The following SKA2 variants were observed in gnomAD, a reference collection of about 807,000 sequenced individuals.
SKA2 encodes the protein spindle and kinetochore associated complex subunit 2, also known as spindle and kinetochore-associated protein 2.
In SKA2, 13 loss-of-function variants were observed where a neutral mutation model predicts 16.9. The observed-to-expected ratio is 0.77, with a 90% CI of 0.50 to 1.22. SKA2 has a LOEUF of 1.22. Ranked by LOEUF, SKA2 falls within the 50% of genes most tolerant of loss-of-function variation. The pLI is 0.00. For missense variants in SKA2, 107 were observed against 139.7 expected (o/e 0.77, Z 1.18); for synonymous variants, 47 against 48.5 (o/e 0.97, Z 0.13).
intron 1 of SKA2, among the ~76,000 whole-genome samples, chr17:59,136,789 C>T (rs976201664): frequency 5.3e-5 from 8 of 152,050 alleles, no homozygotes; most frequent in African/African-American, 1.4e-4. Context: ...CCTTGTGATC[C>T]GCCCTCCTCG....
chr17:59,143,714 C>T (rs2046510019), intron 1 of SKA2, among the ~76,000 whole-genome samples: 1 of 152,006 alleles, frequency 6.6e-6, no homozygotes, highest in African/African-American at 2.4e-5. Flanking sequence ...CTCAGGTGAT[C>T]CTCTCGCCAC....
At chr17:59,141,443 C>T (rs1423933429) in intron 1 of SKA2, among the ~76,000 whole-genome samples, 1 of 151,444 alleles carries the variant, frequency 6.6e-6, no homozygotes, top group Admixed American at 6.6e-5. Context: ...ATGACAGCCG[C>T]GGCTGTGCAC....
At chr17:59,152,711 A>G (rs1290517033) in intron 1 of SKA2, among the ~76,000 whole-genome samples, 1 of 152,096 alleles carries the variant, frequency 6.6e-6, no homozygotes, top group African/African-American at 2.4e-5. Flanking sequence ...CAAGTATAAC[A>G]TTTTTTTCTA....
intron 1 of SKA2, among the ~76,000 whole-genome samples, chr17:59,140,260 G>A (rs548163573): frequency 6.7e-6 from 1 of 149,306 alleles, no homozygotes; most frequent in Non-Finnish European, 1.5e-5. Context: ...ATGAAGTCTC[G>A]CTCTTGTCCC....
At position 59,111,129 on chromosome 17, in the gene SKA2, T is replaced by C. The variant is rs771553238; in HGVS notation, c.*1148A>G. ...ATCCTGACACTCAAAAGTTAAGTGA[T>C]CTGCACAGGGTCATAGCTAGAATTT... On this transcript the variant is annotated 3_prime_UTR_variant, in exon 4 of 4. Coordinates refer to ENST00000330137, the MANE Select transcript of SKA2 (RefSeq NM_182620.4). 3.3e-5 allele frequency: 5 copies of C among 152,208 alleles called. No homozygotes were observed. The highest frequency in any genetic ancestry group is 6.6e-5 in the Admixed American group (1 of 15,266). The allele number at this position is 152,208 out of a possible 1,614,324, so 9.4% of individuals were successfully genotyped here.
intron 2 of SKA2, among the ~76,000 whole-genome samples, chr17:59,129,672 G>A (rs2046397338): frequency 1.3e-5 from 2 of 151,644 alleles, no homozygotes; most frequent in Admixed American, 1.3e-4. Flanking sequence ...AGCCTAACAT[G>A]GTGAAACCCC....
chr17:59,116,098 C>A (rs377305662), intron 3 of SKA2, among the ~76,000 whole-genome samples: 4 of 152,030 alleles, frequency 2.6e-5, no homozygotes, highest in Admixed American at 1.3e-4. Context: ...TATGAGGGCA[C>A]GGAGGCTCAC....
intron 2 of SKA2, among the ~76,000 whole-genome samples, chr17:59,128,958 GA>G (rs1196193711): frequency 6.6e-6 from 1 of 151,702 alleles, no homozygotes; most frequent in Non-Finnish European, 1.5e-5. Context: ...AAAGTTGCAG[GA>G]AAAAAAATAC....
intron 1 of SKA2, among the ~76,000 whole-genome samples, chr17:59,150,362 C>G (rs937455203): frequency 6.6e-6 from 1 of 152,182 alleles, no homozygotes; most frequent in African/African-American, 2.4e-5. Flanking sequence ...TATTGTATCT[C>G]ATAAGAATAA....
Position 59,112,121 on chromosome 17 carries a change from A to C in SKA2, c.*156T>G, listed in dbSNP as rs1183490749. 4.9e-6 allele frequency: 3 copies of C among 608,844 alleles called. No homozygotes were observed. Among genetic ancestry groups the C allele is most frequent in the Non-Finnish European group, 8.8e-6 (3 of 340,534 alleles). 37.7% of individuals were successfully genotyped at this position (608,844 alleles called of 1,614,324 possible). ...TATATTATCTGCCCTTCTTCTTATA[A>C]TCTCTCTCATGAAAGATATCATTAT... On this transcript the variant is annotated 3_prime_UTR_variant, in exon 4 of 4. Coordinates refer to ENST00000330137, the MANE Select transcript of SKA2 (RefSeq NM_182620.4).
chr17:59,140,756 GC>G (rs1337577391), intron 1 of SKA2, among the ~76,000 whole-genome samples: 1 of 148,690 alleles, frequency 6.7e-6, no homozygotes, highest in Non-Finnish European at 1.5e-5. Context: ...GACTACAGGT[GC>G]CCACCACCAC....
chr17:59,128,973 C>T (rs2046390474), intron 2 of SKA2, among the ~76,000 whole-genome samples: 1 of 152,080 alleles, frequency 6.6e-6, no homozygotes. Context: ...AAAATACCCA[C>T]AGGTGGAACA....
chr17:59,137,079 ACAGCTCACTGCAGCCTC>A (rs2046451231), intron 1 of SKA2, among the ~76,000 whole-genome samples: 24 of 152,306 alleles, frequency 1.6e-4, no homozygotes, highest in African/African-American at 5.3e-4. Flanking sequence ...GGCACAAATC[ACAGCTCACTGCAGCCTC>A]AACCTCCTGG....
intron 2 of SKA2, among the ~76,000 whole-genome samples, chr17:59,126,484 C>T (rs1283820255): frequency 2.6e-5 from 4 of 152,140 alleles, no homozygotes. Flanking sequence ...ATATTTACTA[C>T]TACTATAACC....
chr17:59,147,829 C>T (rs889998291), intron 1 of SKA2, among the ~76,000 whole-genome samples: 18 of 105,198 alleles, frequency 1.7e-4, no homozygotes, highest in Non-Finnish European at 8.3e-5. Context: ...TTGTTTTAAG[C>T]AAAAAAAAAA....
intron 1 of SKA2, among the ~76,000 whole-genome samples, chr17:59,147,917 A>C (rs539095704): frequency 6.6e-6 from 1 of 151,976 alleles, no homozygotes; most frequent in East Asian, 1.9e-4. Flanking sequence ...ATCTTGGCTC[A>C]CTGCAACTTC....
At chr17:59,128,627 A>G (rs1271026071) in intron 2 of SKA2, among the ~76,000 whole-genome samples, 1 of 147,688 alleles carries the variant, frequency 6.8e-6, no homozygotes, top group Non-Finnish European at 1.5e-5. Context: ...CTCGGTCTCA[A>G]AAAAAAAAAA....
At chr17:59,122,370 G>A (rs1440413660) in intron 2 of SKA2, among the ~76,000 whole-genome samples, 1 of 152,088 alleles carries the variant, frequency 6.6e-6, no homozygotes, top group African/African-American at 2.4e-5. Context: ...CAGCACTTTG[G>A]GAGACCAAGA....
At chr17:59,131,208 G>A in intron 2 of SKA2, 73 bp downstream of exon 2, 2 of 937,436 alleles carry the variant, frequency 2.1e-6, no homozygotes, top group Non-Finnish European at 3.3e-6. Flanking sequence ...TTACTATTAG[G>A]AATGCTATCA....
Sources: allele counts gnomAD v4.1 joint callset (sites outside exome capture counted in the v4.1 genomes callset), GRCh38; gene constraint gnomAD v4.1.1; transcripts MANE v1.5; gene names NCBI Gene and HGNC (gene_info 2026-07-23, HGNC 2026-07-21).